The following DGKB variants were observed in gnomAD, a reference collection of about 807,000 sequenced individuals.
DGKB encodes diacylglycerol kinase beta.
DGKB carries 67 observed loss-of-function variants against 114.3 expected under a neutral mutation model. The observed-to-expected ratio is 0.59, with a 90% CI of 0.48 to 0.72. The LOEUF (loss-of-function observed/expected upper bound fraction) is 0.72. DGKB is among the 30% of genes least tolerant of loss of function. The pLI, the probability that DGKB is intolerant of heterozygous loss-of-function variation, is 0.00. For synonymous variants in DGKB, 398 were observed against 323.1 expected, an observed-to-expected ratio of 1.23 and a Z score of -2.49; for missense variants, 907 against 975.2, an observed-to-expected ratio of 0.93 and a Z score of 0.93.
intron 23 of DGKB, among the ~76,000 whole-genome samples, chr7:14,224,640 T>C (rs1304033083): frequency 6.6e-6 from 1 of 151,948 alleles, no homozygotes; most frequent in African/African-American, 2.4e-5. Flanking sequence ...TGGGACTTGT[T>C]TGCTTGTTTG....
intron 21 of DGKB, among the ~76,000 whole-genome samples, chr7:14,471,598 TTTTG>T (rs1357107360): frequency 6.6e-6 from 1 of 151,422 alleles, no homozygotes; most frequent in Non-Finnish European, 1.5e-5. Context: ...GTTAAAGAAT[TTTTG>T]TTTGTTTTGC....
At chr7:14,669,200 T>A (rs1585511784) in intron 13 of DGKB, among the ~76,000 whole-genome samples, 1 of 152,176 alleles carries the variant, frequency 6.6e-6, no homozygotes, top group Admixed American at 6.6e-5. Flanking sequence ...CTACACAGAT[T>A]GTTCCTTTTA....
intron 25 of DGKB, among the ~76,000 whole-genome samples, chr7:14,154,479 T>C (rs1321799875): frequency 6.6e-6 from 1 of 152,008 alleles, no homozygotes; most frequent in Non-Finnish European, 1.5e-5. Flanking sequence ...TGTAGAGCTT[T>C]TCATATAGTG....
At chr7:14,537,364 A>C (rs1792674973) in intron 20 of DGKB, among the ~76,000 whole-genome samples, 1 of 152,158 alleles carries the variant, frequency 6.6e-6, no homozygotes, top group Non-Finnish European at 1.5e-5. Context: ...TAGCCAGAGC[A>C]ATTTTGAACA....
chr7:14,692,476 T>G (rs1823039704), intron 9 of DGKB, among the ~76,000 whole-genome samples: 1 of 152,016 alleles, frequency 6.6e-6, no homozygotes, highest in Non-Finnish European at 1.5e-5. Context: ...CAACATTTTG[T>G]CAATTTTTCT....
chr7:14,792,250 A>G (rs1840763641), intron 2 of DGKB, among the ~76,000 whole-genome samples: 1 of 152,162 alleles, frequency 6.6e-6, no homozygotes, highest in South Asian at 2.1e-4. Context: ...TTGAATTCAA[A>G]AGAATGTAAT....
chr7:14,598,186 C>T (rs1229282452), intron 17 of DGKB, among the ~76,000 whole-genome samples: 1 of 152,128 alleles, frequency 6.6e-6, no homozygotes, highest in Admixed American at 6.6e-5. Flanking sequence ...GAATTCAAAT[C>T]ATCTTTGCAA....
chr7:14,281,667 G>T (rs1799983150), intron 23 of DGKB, among the ~76,000 whole-genome samples: 1 of 151,210 alleles, frequency 6.6e-6, no homozygotes, highest in African/African-American at 2.4e-5. Context: ...CTATCTCTCA[G>T]ACCACAGTGC....
At chr7:14,646,844 T>A (rs1229449970) in intron 13 of DGKB, among the ~76,000 whole-genome samples, 2 of 151,520 alleles carry the variant, frequency 1.3e-5, no homozygotes, top group Non-Finnish European at 2.9e-5. Context: ...AGAGGGAAGA[T>A]TACACCAATG....
chr7:14,601,228 G>C (rs1322992640), intron 17 of DGKB, among the ~76,000 whole-genome samples: 1 of 152,172 alleles, frequency 6.6e-6, no homozygotes, highest in Non-Finnish European at 1.5e-5. Flanking sequence ...TGCTGCACTA[G>C]AATGCATTGA....
chr7:14,417,941 G>T (rs1474790985), intron 21 of DGKB, among the ~76,000 whole-genome samples: 1 of 151,050 alleles, frequency 6.6e-6, no homozygotes, highest in Admixed American at 6.6e-5. Flanking sequence ...ACACTAATTT[G>T]CTTCTTTCAA....
At chr7:14,644,185 C>T (rs891283933) in intron 13 of DGKB, among the ~76,000 whole-genome samples, 1 of 151,406 alleles carries the variant, frequency 6.6e-6, no homozygotes, top group African/African-American at 2.4e-5. Flanking sequence ...AAGCACTCTA[C>T]CTAACTGACT....
At chr7:14,827,502 T>C (rs775111989) in intron 2 of DGKB, among the ~76,000 whole-genome samples, 7 of 152,014 alleles carry the variant, frequency 4.6e-5, no homozygotes, top group Admixed American at 2.6e-4. Context: ...AGCAGTGGAC[T>C]TGATGGAAGA....
rs184331092 is a variant in DGKB, at chr7:14,176,848, G to T, written c.2295C>A (p.Thr765=). The change falls in exon 25 of 26, where the codon ACC becomes ACA. Residue 765 remains threonine (T), a synonymous_variant. Coordinates refer to ENST00000402815, the MANE Select transcript of DGKB (RefSeq NM_001350709.2). The part of the protein sequence containing the change: ...MQIDGEPWMQ[T]PCTIKITHKN... ...ACTACTCTGTACTCACTGTGCATGG[G>T]GTCTGCATCCATGGCTCCCCATCAA... The T allele has an allele frequency of 6.2e-7, 1 of 1,613,788 alleles. No homozygotes were observed. Among genetic ancestry groups the T allele is most frequent in the Non-Finnish European group, 8.5e-7 (1 of 1,179,778 alleles).
At chr7:14,761,409 G>A (rs1835679658) in intron 2 of DGKB, among the ~76,000 whole-genome samples, 2 of 152,098 alleles carry the variant, frequency 1.3e-5, no homozygotes, top group East Asian at 1.9e-4. Context: ...TTCTTTTGGG[G>A]GGAACACACA....
chr7:14,586,850 T>C (rs976753889), intron 17 of DGKB, among the ~76,000 whole-genome samples: 3 of 113,530 alleles, frequency 2.6e-5, no homozygotes, highest in Non-Finnish European at 5.6e-5. Flanking sequence ...CTGAGACATA[T>C]TTCTCAAAAA....
intron 2 of DGKB, among the ~76,000 whole-genome samples, chr7:14,831,690 C>A (rs1846436110): frequency 6.6e-6 from 1 of 152,018 alleles, no homozygotes; most frequent in Non-Finnish European, 1.5e-5. Flanking sequence ...ATGTCTTCTC[C>A]TAGCATCCGA....
intron 2 of DGKB, among the ~76,000 whole-genome samples, chr7:14,757,997 C>A (rs1835136979): frequency 6.6e-6 from 1 of 151,990 alleles, no homozygotes; most frequent in Non-Finnish European, 1.5e-5. Context: ...ATGGTGAATC[C>A]ATTTAGAGGG....
chr7:14,652,738 C>T (rs1252487785), intron 13 of DGKB, among the ~76,000 whole-genome samples: 9 of 151,684 alleles, frequency 5.9e-5, no homozygotes, highest in African/African-American at 1.2e-4. Context: ...AGAAAATTTT[C>T]GCAATCTACT....
Sources: gnomAD v4.1 joint callset for allele counts (sites outside exome capture counted in the v4.1 genomes callset) on GRCh38, gnomAD v4.1.1 for gene constraint, MANE v1.5 for transcripts, NCBI Gene and HGNC (gene_info 2026-07-23, HGNC 2026-07-21) for gene names.